The following NCAM2 variants were observed in gnomAD, a reference collection of about 807,000 sequenced individuals.
The protein encoded by NCAM2 is N-CAM-2.
Under a neutral mutation model 98.1 loss-of-function variants are expected in NCAM2, and 30 were observed. That is an observed-to-expected ratio of 0.31 (90% CI 0.23 to 0.41). NCAM2 has a LOEUF of 0.41. Ranked by LOEUF, NCAM2 falls within the 10% of genes least tolerant of loss-of-function variation. NCAM2 has a pLI of 1.00. For missense variants in NCAM2, 867 were observed against 1,005.8 expected (o/e 0.86, Z 1.87); for synonymous variants, 368 against 342.4 (o/e 1.07, Z -0.83).
chr21:21,346,775 C>T (rs1314073205), intron 8 of NCAM2, among the ~76,000 whole-genome samples: 1 of 151,860 alleles, frequency 6.6e-6, no homozygotes, highest in Non-Finnish European at 1.5e-5. Flanking sequence ...CCTGAATGAC[C>T]AGTGTGTCAA....
rs374152878 is a variant in NCAM2, at chr21:21,477,512, A to T, written c.2077+41A>T. On this transcript the variant is annotated intron_variant, in intron 15 of 17. Transcript: ENST00000400546. ...TTCTTTTTTAGACTGAACAATAAAT[A>T]TGATACCACCTTTTTATAACCCTTA... 3 of 1,418,714 alleles carry T rather than the reference A, an allele frequency of 2.1e-6. No individual in the cohort carries two copies. The African/African-American group carries it at 4.3e-5, about 20-fold the overall frequency. 87.9% of individuals were successfully genotyped at this position (1,418,714 alleles called of 1,614,324 possible).
At chr21:21,144,865 GAAAC>G (rs1045713942) in intron 1 of NCAM2, among the ~76,000 whole-genome samples, 7 of 152,220 alleles carry the variant, frequency 4.6e-5, no homozygotes, top group Admixed American at 3.9e-4. Context: ...AAAATGTAGA[GAAAC>G]AAAGGCATAA....
chr21:21,293,989 C>T (rs2073388067), intron 5 of NCAM2, among the ~76,000 whole-genome samples: 1 of 151,082 alleles, frequency 6.6e-6, no homozygotes, highest in African/African-American at 2.4e-5. Context: ...AATATTAATT[C>T]AAGTTTGATA....
In NCAM2 at chr21:21,331,912, A is replaced by G. The variant is rs911862517; in HGVS notation, c.738-3593A>G. ...GTATCCTGGGAATTTTTATTTATTT[A>G]TTTATTTTGAGACAAAGTCTAGCCC... is the stretch of plus-strand genomic sequence containing the variant. On this transcript the variant is annotated intron_variant, in intron 6 of 17. Transcript: ENST00000400546. 2.7e-5 allele frequency among the ~76,000 whole-genome samples: 4 copies of G among 148,974 alleles called. No homozygotes were observed. The East Asian group carries it at 8.1e-4, about 30-fold the overall frequency.
At position 21,530,177 on chromosome 21, in the gene NCAM2, T is replaced by C. The variant is rs566069355; in HGVS notation, c.2283-4360T>C. Among the ~76,000 whole-genome samples, 379 of 135,708 alleles carry C rather than the reference T, an allele frequency of 2.8e-3. 12 individuals carry two copies. The highest frequency in any genetic ancestry group is 0.01 in the African/African-American group (370 of 36,078). 89.0% of individuals were successfully genotyped at this position (135,708 alleles called of 152,430 possible). On this transcript the variant is annotated intron_variant, in intron 16 of 17. Coordinates refer to ENST00000400546, the MANE Select transcript of NCAM2 (RefSeq NM_004540.5). ...TATATGATTTAATTTAATTTAATTA[T>C]ATATGATTTAATTTAATTTAATTAT...
At chr21:21,533,593 C>T (rs953345913) in intron 16 of NCAM2, among the ~76,000 whole-genome samples, 1 of 151,176 alleles carries the variant, frequency 6.6e-6, no homozygotes, top group Non-Finnish European at 1.5e-5. Context: ...TTACTGTAAA[C>T]ATTCATATGA....
intron 8 of NCAM2, among the ~76,000 whole-genome samples, chr21:21,358,097 G>A (rs112931160): frequency 6.6e-6 from 1 of 152,070 alleles, no homozygotes; most frequent in Admixed American, 6.6e-5. Context: ...TTTCTCTAGC[G>A]TAATCTGCAA....
At chr21:21,294,334 T>C (rs924457053) in intron 5 of NCAM2, among the ~76,000 whole-genome samples, 1 of 151,856 alleles carries the variant, frequency 6.6e-6, no homozygotes, top group African/African-American at 2.4e-5. Flanking sequence ...AGTTTTATAT[T>C]TCTATACTTA....
At chr21:21,235,959 G>T (rs2070803454) in intron 1 of NCAM2, among the ~76,000 whole-genome samples, 1 of 151,944 alleles carries the variant, frequency 6.6e-6, no homozygotes, top group African/African-American at 2.4e-5. Flanking sequence ...TCCTTGGTTG[G>T]CATATGAAAG....
chr21:21,339,271 A>G lies in NCAM2; in HGVS notation c.1044+737A>G, dbSNP rs779273481. ...GTAGAAGTGTAGGTTCTGCTTTCAT[A>G]TAATTTAGAATCTAATGTAGAGAAA... is the stretch of plus-strand genomic sequence containing the variant. On this transcript the variant is annotated intron_variant, in intron 8 of 17. Transcript: ENST00000400546. Among the ~76,000 whole-genome samples, 5 of 152,094 alleles carry G rather than the reference A, an allele frequency of 3.3e-5. No homozygotes were observed. The South Asian group carries it at 1.0e-3, about 31-fold the overall frequency.
At chr21:21,189,095 C>A (rs1234840549) in intron 1 of NCAM2, among the ~76,000 whole-genome samples, 4 of 152,174 alleles carry the variant, frequency 2.6e-5, no homozygotes, top group African/African-American at 9.7e-5. Flanking sequence ...TATCTAGACT[C>A]ACTTCTGTAT....
intron 9 of NCAM2, among the ~76,000 whole-genome samples, chr21:21,386,854 T>C (rs1381601352): frequency 1.3e-5 from 2 of 152,036 alleles, no homozygotes; most frequent in Admixed American, 6.6e-5. Context: ...AATAAAAACA[T>C]ATTTTGTAAC....
At chr21:21,248,469 T>C (rs1418404046) in intron 1 of NCAM2, among the ~76,000 whole-genome samples, 1 of 152,076 alleles carries the variant, frequency 6.6e-6, no homozygotes, top group Non-Finnish European at 1.5e-5. Context: ...CACATCTTAG[T>C]CTTTGCTCTC....
rs2826892 is a variant in NCAM2, at chr21:21,538,469, A to G, written c.*512A>G. The stretch of plus-strand genomic sequence containing the variant: ...GGGAATTTCAGGGAACGTAGGCGTC[A>G]AAGAGCCAGTTATCTTTAGCAGATA... On this transcript the variant is annotated 3_prime_UTR_variant, in exon 18 of 18. Coordinates refer to ENST00000400546, the MANE Select transcript of NCAM2 (RefSeq NM_004540.5). The G allele has an allele frequency of 6.6e-6, 1 of 152,514 alleles. No individual in the cohort carries two copies. Among genetic ancestry groups the G allele is most frequent in the Non-Finnish European group, 1.5e-5 (1 of 67,988 alleles). The allele number at this position is 152,514 out of a possible 1,614,324, so 9.4% of individuals were successfully genotyped here.
intron 6 of NCAM2, among the ~76,000 whole-genome samples, chr21:21,326,052 A>C (rs2074502754): frequency 6.6e-6 from 1 of 152,168 alleles, no homozygotes. Flanking sequence ...TGTTCTGTGT[A>C]AAGGGGCTAG....
At chr21:21,453,745 C>A (rs977824890) in intron 12 of NCAM2, among the ~76,000 whole-genome samples, 2 of 151,936 alleles carry the variant, frequency 1.3e-5, no homozygotes, top group Non-Finnish European at 2.9e-5. Context: ...CCTTCTTTTT[C>A]TACATTAAAC....
At chr21:21,478,632 T>C (rs1296726879) in intron 15 of NCAM2, among the ~76,000 whole-genome samples, 1 of 152,118 alleles carries the variant, frequency 6.6e-6, no homozygotes, top group Non-Finnish European at 1.5e-5. Context: ...ATTGCTAATG[T>C]TAATAAATTC....
intron 9 of NCAM2, among the ~76,000 whole-genome samples, chr21:21,404,470 A>T (rs146245293): frequency 2.6e-5 from 4 of 152,086 alleles, no homozygotes; most frequent in African/African-American, 9.7e-5. Flanking sequence ...GCCAGGGAAG[A>T]TGTGCCTTTC....
At chr21:21,162,973 A>C (rs1170104818) in intron 1 of NCAM2, among the ~76,000 whole-genome samples, 1 of 152,204 alleles carries the variant, frequency 6.6e-6, no homozygotes, top group Non-Finnish European at 1.5e-5. Flanking sequence ...GCTTTTATGA[A>C]TAAATAAAAA....
Sources: gnomAD v4.1 joint callset for allele counts (sites outside exome capture counted in the v4.1 genomes callset) on GRCh38, gnomAD v4.1.1 for gene constraint, MANE v1.5 for transcripts, NCBI Gene and HGNC (gene_info 2026-07-23, HGNC 2026-07-21) for gene names.